TIPARP: variants seen among roughly 807,000 people sequenced by gnomAD.
TIPARP encodes the protein protein mono-ADP-ribosyltransferase TIPARP.
TIPARP carries 12 observed loss-of-function variants against 56.5 expected under a neutral mutation model. That is an observed-to-expected ratio of 0.21 (90% CI 0.14 to 0.34). The LOEUF (loss-of-function observed/expected upper bound fraction) is 0.34, where lower values mean the gene tolerates loss of function less well. Ranked by LOEUF, TIPARP falls within the 10% of genes least tolerant of loss-of-function variation. The pLI is 1.00. For synonymous variants in TIPARP, 296 were observed against 265.7 expected (o/e 1.11, Z -1.11); for missense variants, 604 against 781.6 (o/e 0.77, Z 2.71).
chr3:156,698,849 T>A (rs1722780728), intron 4 of TIPARP, among the ~76,000 whole-genome samples: 1 of 152,204 alleles, frequency 6.6e-6, no homozygotes, highest in African/African-American at 2.4e-5. Flanking sequence ...GGAAAACTTT[T>A]GGGAAGGATT....
In TIPARP at chr3:156,677,798, C is replaced by G; in HGVS notation, c.101C>G (p.Thr34Ser). Residue 34 changes from threonine to serine, a missense_variant, in exon 2 of 6, where the codon ACT becomes AGT. Coordinates refer to ENST00000295924, the MANE Select transcript of TIPARP (RefSeq NM_015508.5). ...CAAATGAGACTCTCTGAGAAGATCACTCCATTGAAGACTTGTTTTAAGAAA... is the reference window on the plus strand; with the variant it reads ...CAAATGAGACTCTCTGAGAAGATCAGTCCATTGAAGACTTGTTTTAAGAAA... ...SCQMRLSEKITPLKTCFKKKD... is the reference protein window; with the variant it reads ...SCQMRLSEKISPLKTCFKKKD... The G allele has an allele frequency of 6.2e-7, 1 of 1,614,158 alleles. No homozygotes were observed. Among genetic ancestry groups the G allele is most frequent in the African/African-American group, 1.3e-5 (1 of 75,026 alleles).
chr3:156,699,476 C>G (rs868182195), intron 4 of TIPARP, among the ~76,000 whole-genome samples: 19 of 152,234 alleles, frequency 1.2e-4, no homozygotes, highest in Middle Eastern at 3.4e-3. Flanking sequence ...ACCAAAGGCT[C>G]AGATGATTGT....
At chr3:156,678,854 TGAG>T (rs981949863) in intron 2 of TIPARP, among the ~76,000 whole-genome samples, 1 of 152,248 alleles carries the variant, frequency 6.6e-6, no homozygotes. Context: ...TGCGTGTGAC[TGAG>T]AAGTTGCACA....
chr3:156,700,247 T>TA (rs1722815969), intron 4 of TIPARP, among the ~76,000 whole-genome samples: 1 of 151,772 alleles, frequency 6.6e-6, no homozygotes, highest in Non-Finnish European at 1.5e-5. Flanking sequence ...AGCTGGGACT[T>TA]ACAGGTGGAT....
rs571921739 is a variant in TIPARP at position 156,697,521 on chromosome 3, A to G, written c.1247+1496A>G. On this transcript the variant is annotated intron_variant, in intron 4 of 5. Transcript: ENST00000295924. ...CAATTAATGCCACAAATATGCCTTCATTATACAGGCATATCTTGTTTTATG... is the reference window on the plus strand; with the variant it reads ...CAATTAATGCCACAAATATGCCTTCGTTATACAGGCATATCTTGTTTTATG... Among the ~76,000 whole-genome samples the G allele has an allele frequency of 3.9e-4, 59 of 150,270 alleles. No individual in the cohort carries two copies. In the Middle Eastern group the frequency reaches 0.01, roughly 26 times the overall value.
At chr3:156,695,826 CTTTTTTT>C (rs10631452) in intron 3 of TIPARP, 32 bp from the exon 4 acceptor site, 9 of 1,031,208 alleles carry the variant, frequency 8.7e-6, no homozygotes, top group Middle Eastern at 3.2e-4. Context: ...ATTAACTTTC[CTTTTTTT>C]TTTTTTTTTT....
rs377432950 is a variant in TIPARP, at chr3:156,678,034, G to A, written c.337G>A (p.Asp113Asn). The change falls in exon 2 of 6, where the codon GAT becomes AAT. Residue 113 changes from aspartate to asparagine, a missense_variant. Around this residue, in one of 4 missense-constraint regions of TIPARP, gnomAD observed 261 missense variants for 279.2 expected, o/e 0.93. Transcript: ENST00000295924. ...AAATAATATGTCTGTTCTGATTCCT[G>A]ATAGGACAAATGTTGGGGACCAGAT... ...AENNMSVLIPDRTNVGDQIPE... is the reference protein window; with the variant it reads ...AENNMSVLIPNRTNVGDQIPE... 3.7e-6 allele frequency: 6 copies of A among 1,613,988 alleles called. No individual in the cohort carries two copies. The highest frequency in any genetic ancestry group is 5.1e-6 in the Non-Finnish European group (6 of 1,180,036).
At position 156,705,680 on chromosome 3, in the gene TIPARP, C is replaced by A. The variant is rs1722961740; in HGVS notation, c.*549C>A. The A allele has an allele frequency of 6.6e-6, 1 of 152,626 alleles. No individual in the cohort carries two copies. Among genetic ancestry groups the A allele is most frequent in the Non-Finnish European group, 1.5e-5 (1 of 68,050 alleles). The allele number at this position is 152,626 out of a possible 1,614,324, so 9.5% of individuals were successfully genotyped here. On this transcript the variant is annotated 3_prime_UTR_variant, in exon 6 of 6. Transcript: ENST00000295924. The stretch of plus-strand genomic sequence containing the variant: ...ATCAGCAGTACTAAAATGTATCAGC[C>A]AACCAGAGAACATCAGTGACTTTAA...
intron 2 of TIPARP, among the ~76,000 whole-genome samples, chr3:156,679,920 G>T (rs1246501977): frequency 1.3e-5 from 2 of 151,684 alleles, no homozygotes; most frequent in Admixed American, 6.6e-5. Context: ...CAGAAACATG[G>T]TTTTTTTTGT....
At chr3:156,685,562 A>G (rs975017568) in intron 2 of TIPARP, among the ~76,000 whole-genome samples, 1 of 152,224 alleles carries the variant, frequency 6.6e-6, no homozygotes, top group Admixed American at 6.5e-5. Context: ...TTTTGGTGCT[A>G]TTGCCTCTGA....
intron 4 of TIPARP, among the ~76,000 whole-genome samples, chr3:156,701,128 A>G (rs1722834515): frequency 1.3e-5 from 2 of 152,342 alleles, no homozygotes; most frequent in South Asian, 4.1e-4. Flanking sequence ...GTAAGCATCT[A>G]TGGGTTGGAA....
Position 156,678,407 on chromosome 3 carries a change from A to C in TIPARP, c.710A>C (p.Glu237Ala), listed in dbSNP as rs1336416903. The change falls in exon 2 of 6, where the codon GAG (glutamate) becomes GCG (alanine). Residue 237 changes from glutamate to alanine, a missense_variant. Around this residue, in one of 4 missense-constraint regions of TIPARP, gnomAD observed 261 missense variants for 279.2 expected, o/e 0.93. Coordinates refer to ENST00000295924, the MANE Select transcript of TIPARP (RefSeq NM_015508.5). ...VNQLQYHTHQENGIEICMDFL... is the reference protein window; with the variant it reads ...VNQLQYHTHQANGIEICMDFL... ...CAGTTGCAGTACCACACTCACCAAG[A>C]GAACGGAATTGAAATTTGCATGGAC... 3 of 1,614,232 alleles carry C rather than the reference A, an allele frequency of 1.9e-6. No individual in the cohort carries two copies. In the South Asian group the frequency reaches 3.3e-5, roughly 18 times the overall value.
chr3:156,704,497 GAGAA>G (rs1363594345), intron 5 of TIPARP, among the ~76,000 whole-genome samples, 183 bp from the exon 6 acceptor site: 1 of 152,210 alleles, frequency 6.6e-6, no homozygotes, highest in Non-Finnish European at 1.5e-5. Flanking sequence ...ATGATTGGTG[GAGAA>G]AGAAGGAAAA....
chr3:156,696,346 C>G (rs1722714686), intron 4 of TIPARP, among the ~76,000 whole-genome samples: 1 of 152,144 alleles, frequency 6.6e-6, no homozygotes, highest in Non-Finnish European at 1.5e-5. Flanking sequence ...TTCCATGAAA[C>G]TACTTTCAAG....
rs1339860540 is a variant in TIPARP at position 156,706,611 on chromosome 3, T to C, written c.*1480T>C. On this transcript the variant is annotated 3_prime_UTR_variant, in exon 6 of 6. Coordinates refer to ENST00000295924, the MANE Select transcript of TIPARP (RefSeq NM_015508.5). ...CATTCAATTATAACTTGTAAACCAG[T>C]GACTCCTAATCTTTTTCAAGTTAAG... The C allele has an allele frequency of 6.5e-6, 1 of 152,674 alleles. No individual in the cohort carries two copies. Among genetic ancestry groups the C allele is most frequent in the African/African-American group, 2.4e-5 (1 of 41,460 alleles). The allele number at this position is 152,674 out of a possible 1,614,324, so 9.5% of individuals were successfully genotyped here.
chr3:156,680,388 G>T (rs1722264429), intron 2 of TIPARP, among the ~76,000 whole-genome samples: 1 of 152,008 alleles, frequency 6.6e-6, no homozygotes, highest in Non-Finnish European at 1.5e-5. Flanking sequence ...AATCTCTGTT[G>T]CCCATGAGCT....
chr3:156,675,599 C>G (rs1195368461), intron 1 of TIPARP: 1 of 152,222 alleles, frequency 6.6e-6, no homozygotes, highest in Non-Finnish European at 1.5e-5. Flanking sequence ...CTGCACTGCG[C>G]GGAGTTGGCG....
chr3:156,702,824 ACACT>A (rs1241955004), intron 4 of TIPARP, among the ~76,000 whole-genome samples: 1 of 152,228 alleles, frequency 6.6e-6, no homozygotes, highest in East Asian at 1.9e-4. Flanking sequence ...CATCTTAAGC[ACACT>A]CAAAGCTATA....
At position 156,695,986 on chromosome 3, in the gene TIPARP, C is replaced by T; in HGVS notation, c.1208C>T (p.Pro403Leu). ...TTCAGGAGAGAGATAAAAAGGAGAC[C>T]CCTCTTCCGCTCCTGTTTTATACTG... ...SFFRREIKRR[P>L]LFRSCFILLP... Residue 403 changes from proline to leucine, a missense_variant, in exon 4 of 6, where the codon CCC (proline) becomes CTC (leucine). Transcript: ENST00000295924. 6.2e-7 allele frequency: 1 copy of T among 1,610,924 alleles called. No homozygotes were observed. The highest frequency in any genetic ancestry group is 8.5e-7 in the Non-Finnish European group (1 of 1,178,978).
Sources: allele counts gnomAD v4.1 joint callset (sites outside exome capture counted in the v4.1 genomes callset), GRCh38; gene constraint gnomAD v4.1.1; regional missense constraint gnomAD v4.1.1; transcripts MANE v1.5; gene names NCBI Gene and HGNC (gene_info 2026-07-23, HGNC 2026-07-21).